Variants in PTPN2 observed in about 807,000 individuals in gnomAD.
PTPN2 encodes protein tyrosine phosphatase non-receptor type 2, also known as tyrosine-protein phosphatase non-receptor type 2.
A neutral mutation model predicts 57.3 loss-of-function variants in PTPN2; 19 were observed. That is an observed-to-expected ratio of 0.33 (90% CI 0.23 to 0.49). The LOEUF (loss-of-function observed/expected upper bound fraction) is 0.49. PTPN2 is among the 20% of genes least tolerant of loss of function. PTPN2 has a pLI of 0.99. For synonymous variants in PTPN2, 153 were observed against 164.9 expected (o/e 0.93, Z 0.55); for missense variants, 358 against 501.1 (o/e 0.71, Z 2.73).
At chr18:12,814,171 T>C (rs757201023) in intron 7 of PTPN2, 32 bp downstream of exon 7, 1 of 1,469,956 alleles carries the variant, frequency 6.8e-7, no homozygotes, top group Non-Finnish European at 9.4e-7. Context: ...ATTTAACAAA[T>C]AGATATGATT....
At chr18:12,832,668 G>A (rs2042710203) in intron 3 of PTPN2, among the ~76,000 whole-genome samples, 1 of 152,044 alleles carries the variant, frequency 6.6e-6, no homozygotes, top group Non-Finnish European at 1.5e-5. Context: ...CCAGTAAAAT[G>A]AATACCTTTT....
At chr18:12,817,622 T>G (rs1375331581) in intron 5 of PTPN2, among the ~76,000 whole-genome samples, 3 of 152,162 alleles carry the variant, frequency 2.0e-5, no homozygotes, top group African/African-American at 7.2e-5. Flanking sequence ...CTTTACTTAT[T>G]AACTCAATCC....
downstream of PTPN2, among the ~76,000 whole-genome samples, chr18:12,790,358 T>G (rs558433205): frequency 6.6e-6 from 1 of 152,306 alleles, no homozygotes; most frequent in South Asian, 2.1e-4. Context: ...CCAAAACACT[T>G]TTAATACCAC....
chr18:12,800,999 AT>A (rs1192637608), intron 8 of PTPN2, among the ~76,000 whole-genome samples: 1 of 152,264 alleles, frequency 6.6e-6, no homozygotes, highest in Non-Finnish European at 1.5e-5. Context: ...TATTAAAGGC[AT>A]ATTATCAGTT....
chr18:12,850,112 T>C (rs566206815), intron 2 of PTPN2, among the ~76,000 whole-genome samples: 4 of 152,190 alleles, frequency 2.6e-5, no homozygotes, highest in African/African-American at 4.8e-5. Context: ...TCCTTTGTTG[T>C]TGTTACTTCT....
intron 7 of PTPN2, among the ~76,000 whole-genome samples, chr18:12,812,093 C>T (rs747052071): frequency 6.6e-6 from 1 of 152,060 alleles, no homozygotes; most frequent in Admixed American, 6.6e-5. Context: ...TAGATATTTA[C>T]TCTGGGGGGT....
In PTPN2 at chr18:12,817,329, T is replaced by C. The variant is rs527692021; in HGVS notation, c.532A>G (p.Thr178Ala). The C allele has an allele frequency of 5.6e-6, 9 of 1,613,824 alleles. No homozygotes were observed. The highest frequency in any genetic ancestry group is 7.6e-6 in the Non-Finnish European group (9 of 1,179,838). The change falls in exon 6 of 9, where the codon ACT becomes GCT. Residue 178 changes from threonine to alanine, a missense_variant. Coordinates refer to ENST00000309660, the MANE Select transcript of PTPN2 (RefSeq NM_002828.4). ...ETRTISHFHY[T>A]TWPDFGVPES... is the part of the protein sequence containing the mutation. The stretch of plus-strand genomic sequence containing the variant: ...GGGACTCCAAAATCTGGCCAGGTAG[T>C]ATAATGAAAGTGAGATATTGTTCTG...
intron 1 of PTPN2, chr18:12,883,797 A>G: frequency 3.2e-6 from 1 of 313,324 alleles, no homozygotes; most frequent in Non-Finnish European, 5.9e-6. Context: ...GCGCTCCCCA[A>G]GAAGCCGCTG....
chr18:12,883,597 C>A (rs2044741021), intron 1 of PTPN2: 1 of 152,580 alleles, frequency 6.6e-6, no homozygotes, highest in Non-Finnish European at 1.5e-5. Flanking sequence ...CTCACCGCTC[C>A]CGGGGACGCC....
chr18:12,856,173 T>C (rs1361250933), intron 2 of PTPN2, among the ~76,000 whole-genome samples: 1 of 151,670 alleles, frequency 6.6e-6, no homozygotes, highest in Admixed American at 6.6e-5. Flanking sequence ...ATGAGGAAGG[T>C]GGGAAGGAGA....
intron 5 of PTPN2, among the ~76,000 whole-genome samples, chr18:12,824,710 G>C (rs2042385777): frequency 6.6e-6 from 1 of 152,106 alleles, no homozygotes; most frequent in South Asian, 2.1e-4. Flanking sequence ...TCATCACCCT[G>C]GCAACAGCAG....
At chr18:12,850,594 T>C (rs2043359053) in intron 2 of PTPN2, among the ~76,000 whole-genome samples, 1 of 151,640 alleles carries the variant, frequency 6.6e-6, no homozygotes, top group African/African-American at 2.4e-5. Context: ...ATTTTATATA[T>C]TGTTTATTTT....
At chr18:12,852,191 A>AC in intron 2 of PTPN2, among the ~76,000 whole-genome samples, 1 of 140,512 alleles carries the variant, frequency 7.1e-6, no homozygotes, top group South Asian at 2.3e-4. Flanking sequence ...ATGGGTTTTT[A>AC]ACACACACAC....
chr18:12,797,328 AT>A (rs1397045113), intron 8 of PTPN2, among the ~76,000 whole-genome samples: 20 of 152,006 alleles, frequency 1.3e-4, no homozygotes, highest in Admixed American at 1.1e-3. Context: ...TGTATCTAGT[AT>A]TTTGTCATTT....
At chr18:12,820,990 A>G (rs1399357671) in intron 5 of PTPN2, among the ~76,000 whole-genome samples, 1 of 152,222 alleles carries the variant, frequency 6.6e-6, no homozygotes, top group African/African-American at 2.4e-5. Flanking sequence ...CAGCAATTTA[A>G]GCATATGCCC....
intron 1 of PTPN2, chr18:12,863,149 C>T (rs1248410762): frequency 2.0e-5 from 3 of 152,194 alleles, no homozygotes; most frequent in Admixed American, 6.6e-5. Context: ...AAACCTTCCC[C>T]TTCTATCACA....
chr18:12,869,006 T>C (rs2044093251), intron 1 of PTPN2: 2 of 152,012 alleles, frequency 1.3e-5, no homozygotes, highest in African/African-American at 4.8e-5. Flanking sequence ...AAAAACTAGC[T>C]GGGCATAGTG....
chr18:12,842,827 T>C (rs1382186525), intron 2 of PTPN2, among the ~76,000 whole-genome samples: 2 of 152,232 alleles, frequency 1.3e-5, no homozygotes, highest in African/African-American at 4.8e-5. Flanking sequence ...AGTCAGCAAG[T>C]ATTCAAACAT....
rs1326413836 is a variant in PTPN2, at chr18:12,785,692, A to C, written c.*131T>G. The stretch of plus-strand genomic sequence containing the variant: ...CCCCTGGATGTAAAGTTTACTTTGT[A>C]AACAAACAACTGTGAGGCAATCTAG... On this transcript the variant is annotated 3_prime_UTR_variant, in exon 10 of 10. Coordinates refer to the PTPN2 transcript ENST00000327283. 3.7e-6 allele frequency: 3 copies of C among 807,362 alleles called. No homozygotes were observed. The African/African-American group carries it at 5.2e-5, about 14-fold the overall frequency. 50.0% of individuals were successfully genotyped at this position (807,362 alleles called of 1,614,324 possible). A position where few individuals can be genotyped will look rare whatever the true frequency, so the allele number is the denominator to read the frequency against.
Sources: allele counts gnomAD v4.1 joint callset (sites outside exome capture counted in the v4.1 genomes callset), GRCh38; gene constraint gnomAD v4.1.1; transcripts MANE v1.5; gene names NCBI Gene and HGNC (gene_info 2026-07-23, HGNC 2026-07-21).